Variants in PHF20L1 observed in about 807,000 individuals in gnomAD.
PHF20L1 encodes the protein PHD finger protein 20 like 1.
Under a neutral mutation model 125.5 loss-of-function variants are expected in PHF20L1, and 44 were observed. That is an observed-to-expected ratio of 0.35 (90% CI 0.28 to 0.45). The LOEUF is 0.45. Among genes scored for constraint, PHF20L1 ranks in the 20% least tolerant of loss-of-function variants. The pLI is 1.00. For synonymous variants in PHF20L1, 380 were observed against 403.1 expected (o/e 0.94, Z 0.69); for missense variants, 1,012 against 1,217.2 (o/e 0.83, Z 2.51).
chr8:132,778,887 C>T (rs1012125308), intron 2 of PHF20L1, among the ~76,000 whole-genome samples: 2 of 152,188 alleles, frequency 1.3e-5, no homozygotes, highest in Non-Finnish European at 2.9e-5. Flanking sequence ...AGCTCTTGGA[C>T]TTTCCCAGAC....
chr8:132,782,921 C>T (rs1039467691), intron 2 of PHF20L1, among the ~76,000 whole-genome samples: 7 of 152,084 alleles, frequency 4.6e-5, no homozygotes, highest in African/African-American at 9.7e-5. Context: ...CATGTTTCCA[C>T]AGAGTTTTAT....
chr8:132,833,871 G>C (rs1191968584), intron 15 of PHF20L1, among the ~76,000 whole-genome samples: 1 of 152,080 alleles, frequency 6.6e-6, no homozygotes, highest in Non-Finnish European at 1.5e-5. Context: ...CTCAATGTTA[G>C]CATGTGTCAG....
chr8:132,822,847 A>G (rs1306068377), intron 12 of PHF20L1, among the ~76,000 whole-genome samples: 1 of 151,962 alleles, frequency 6.6e-6, no homozygotes, highest in Non-Finnish European at 1.5e-5. Context: ...ATGAAATTTC[A>G]GATTTTTTGA....
chr8:132,843,141 T>G (rs1221081975), intron 19 of PHF20L1: 7 of 1,112,638 alleles, frequency 6.3e-6, no homozygotes, highest in Non-Finnish European at 7.7e-6. Flanking sequence ...ATTTCGATGC[T>G]TCTAAAAAAT....
At chr8:132,783,182 C>T (rs1563778047) in intron 2 of PHF20L1, among the ~76,000 whole-genome samples, 1 of 152,098 alleles carries the variant, frequency 6.6e-6, no homozygotes, top group South Asian at 2.1e-4. Context: ...GCTCCTCTGA[C>T]TCTTTTGGAA....
Position 132,847,395 on chromosome 8 carries a change from C to G in PHF20L1, c.*1472C>G, listed in dbSNP as rs1838496902. 1 of 152,498 alleles carries G rather than the reference C, an allele frequency of 6.6e-6. No individual in the cohort carries two copies. Among genetic ancestry groups the G allele is most frequent in the Non-Finnish European group, 1.5e-5 (1 of 67,994 alleles). 9.4% of individuals were successfully genotyped at this position (152,498 alleles called of 1,614,324 possible). On this transcript the variant is annotated 3_prime_UTR_variant, in exon 21 of 21. Coordinates refer to ENST00000395386, the MANE Select transcript of PHF20L1 (RefSeq NM_016018.5). Reference sequence around the variant, plus strand: ...TGACATAACACTTGAATATTTTATGCCTCATTCTGTTTATCAGTTCTCGCA... The same window carrying G: ...TGACATAACACTTGAATATTTTATGGCTCATTCTGTTTATCAGTTCTCGCA...
rs374728392 is a variant in PHF20L1 at position 132,842,521 on chromosome 8, ACAT to A, written c.2399_2401del (p.His800del). On this transcript the variant is annotated inframe_deletion, in exon 19 of 21. Coordinates refer to ENST00000395386, the MANE Select transcript of PHF20L1 (RefSeq NM_016018.5). ...TTTCCAACTTTGTTTTAAGGAATAA[ACAT>A]CATCCTGACCTTCATCTCTGGGCTT... 1,011 of 1,590,134 alleles carry A rather than the reference ACAT, an allele frequency of 6.4e-4. 5 individuals are homozygous for A. The African/African-American group carries it at 0.011, about 17-fold the overall frequency.
chr8:132,843,164 A>T, intron 19 of PHF20L1: 6 of 1,073,216 alleles, frequency 5.6e-6, no homozygotes, highest in Non-Finnish European at 6.8e-6. Flanking sequence ...ACCACATTGT[A>T]TTCAAAACGA....
chr8:132,817,957 C>T (rs1008553974), intron 12 of PHF20L1: 1 of 153,810 alleles, frequency 6.5e-6, no homozygotes, highest in Non-Finnish European at 1.4e-5. Context: ...AGCTATATGC[C>T]TGTATCTTAA....
At chr8:132,834,629 C>T (rs1165089666) in intron 15 of PHF20L1, among the ~76,000 whole-genome samples, 4 of 152,100 alleles carry the variant, frequency 2.6e-5, no homozygotes, top group Admixed American at 6.6e-5. Context: ...CCGCTGTGCC[C>T]GGCCCATTTA....
chr8:132,792,680 G>A (rs1284103198), intron 2 of PHF20L1, among the ~76,000 whole-genome samples: 1 of 152,138 alleles, frequency 6.6e-6, no homozygotes, highest in Admixed American at 6.5e-5. Flanking sequence ...TCCTGTCATG[G>A]TGCTAGGTCC....
intron 19 of PHF20L1, 113 bp from the exon 20 acceptor site, chr8:132,844,043 A>C (rs1838203126): frequency 1.3e-6 from 2 of 1,497,206 alleles, no homozygotes; most frequent in East Asian, 4.7e-5. Context: ...CCCTGGAGTC[A>C]GATTGGATCT....
intron 2 of PHF20L1, among the ~76,000 whole-genome samples, chr8:132,790,268 G>T (rs777870803): frequency 6.6e-6 from 1 of 152,128 alleles, no homozygotes; most frequent in Non-Finnish European, 1.5e-5. Flanking sequence ...GTTCAGCAGC[G>T]TTTTTTCTTC....
intron 12 of PHF20L1, among the ~76,000 whole-genome samples, chr8:132,820,380 TG>T (rs897007469): frequency 1.3e-5 from 2 of 151,910 alleles, no homozygotes; most frequent in African/African-American, 4.8e-5. Flanking sequence ...TATTGCCCCT[TG>T]TCAACACAAT....
rs751085473 is a variant in PHF20L1 at position 132,777,817 on chromosome 8, T to C, written c.-12T>C. The C allele has an allele frequency of 5.7e-6, 9 of 1,588,840 alleles. No individual in the cohort carries two copies. The highest frequency in any genetic ancestry group is 6.9e-6 in the Non-Finnish European group (8 of 1,157,458). Reference sequence around the variant, plus strand: ...GTAGTGAAAAGAGAATACTGAAGAATAGGATCTCAAGATGAGTAAAAAGCC... The same window carrying C: ...GTAGTGAAAAGAGAATACTGAAGAACAGGATCTCAAGATGAGTAAAAAGCC... On this transcript the variant is annotated 5_prime_UTR_variant, in exon 2 of 21. Transcript: ENST00000395386.
At chr8:132,817,241 A>G (rs1835087881) in intron 11 of PHF20L1, 98 bp from the exon 12 acceptor site, 9 of 1,088,260 alleles carry the variant, frequency 8.3e-6, no homozygotes, top group Non-Finnish European at 1.2e-5. Flanking sequence ...TCTTTGTGCC[A>G]GGCACTGTTT....
chr8:132,837,565 C>A, intron 16 of PHF20L1, 147 bp from the exon 17 acceptor site: 1 of 593,332 alleles, frequency 1.7e-6, no homozygotes, highest in South Asian at 1.9e-5. Flanking sequence ...TAAGTCATGG[C>A]TTGATTTTGT....
At chr8:132,791,807 A>G (rs1308895429) in intron 2 of PHF20L1, among the ~76,000 whole-genome samples, 1 of 152,214 alleles carries the variant, frequency 6.6e-6, no homozygotes, top group Non-Finnish European at 1.5e-5. Flanking sequence ...CTAGATATTT[A>G]TGTAGAGAGT....
chr8:132,795,326 C>G (rs1259398711), intron 4 of PHF20L1, among the ~76,000 whole-genome samples: 1 of 152,004 alleles, frequency 6.6e-6, no homozygotes, highest in African/African-American at 2.4e-5. Flanking sequence ...AGTTAATTTT[C>G]TAGTATCTTT....
Sources: gnomAD v4.1 joint callset for allele counts (sites outside exome capture counted in the v4.1 genomes callset) on GRCh38, gnomAD v4.1.1 for gene constraint, MANE v1.5 for transcripts, NCBI Gene and HGNC (gene_info 2026-07-23, HGNC 2026-07-21) for gene names.